Variants in ROBO2 observed in about 807,000 individuals in gnomAD.
The protein encoded by ROBO2 is roundabout homolog 2.
In ROBO2, 53 loss-of-function variants were observed where a neutral mutation model predicts 160.8. The observed-to-expected ratio is 0.33, with a 90% confidence interval of 0.26 to 0.41. The LOEUF (loss-of-function observed/expected upper bound fraction) is 0.41. Among genes scored for constraint, ROBO2 ranks in the 10% least tolerant of loss-of-function variants. The probability of loss-of-function intolerance (pLI) is 1.00; values close to 1 mark genes in which losing one functional copy is unlikely to be tolerated. For missense variants in ROBO2, 1,577 were observed against 1,722.4 expected (o/e 0.92, Z 1.49); for synonymous variants, 664 against 611.7 (o/e 1.09, Z -1.26).
intron 2 of ROBO2, among the ~76,000 whole-genome samples, chr3:76,000,334 A>C (rs1023862724): frequency 4.6e-5 from 7 of 152,156 alleles, no homozygotes; most frequent in African/African-American, 1.7e-4. Flanking sequence ...ACCCATAAAA[A>C]TTGTTCTAAA....
At chr3:76,013,123 C>A (rs1282747237) in intron 2 of ROBO2, among the ~76,000 whole-genome samples, 1 of 144,778 alleles carries the variant, frequency 6.9e-6, no homozygotes, top group African/African-American at 2.6e-5. Flanking sequence ...GCGTGTAATC[C>A]CAGAAGCAAT....
chr3:76,088,687 G>A (rs996684734), intron 2 of ROBO2, among the ~76,000 whole-genome samples: 1 of 151,988 alleles, frequency 6.6e-6, no homozygotes, highest in Admixed American at 6.6e-5. Flanking sequence ...AGAAAATACA[G>A]TTTATCAAAA....
rs554072780 is a variant in ROBO2, at chr3:76,215,877, A to G, written c.109+278275A>G. On this transcript the variant is annotated intron_variant, in intron 2 of 26. Transcript: ENST00000487694. The stretch of plus-strand genomic sequence containing the variant: ...TAACTGGCAGATTCACCAAAGTTGA[A>G]ATGAAGGAAAAAATGTTAAGGGCAG... Among the ~76,000 whole-genome samples, 10 of 152,304 alleles carry G rather than the reference A, an allele frequency of 6.6e-5. No homozygotes were observed. In the South Asian group the frequency reaches 1.9e-3, roughly 28 times the overall value.
intron 2 of ROBO2, among the ~76,000 whole-genome samples, chr3:76,476,586 C>A (rs1483458960): frequency 1.3e-5 from 2 of 152,126 alleles, no homozygotes; most frequent in East Asian, 1.9e-4. Flanking sequence ...TTAGTCACTC[C>A]TCTGTTCCTG....
chr3:77,303,686 T>C (rs1195672297), intron 2 of ROBO2, among the ~76,000 whole-genome samples: 2 of 152,102 alleles, frequency 1.3e-5, no homozygotes, highest in Non-Finnish European at 2.9e-5. Flanking sequence ...ATTAATCCAA[T>C]TGTATTCATC....
intron 2 of ROBO2, among the ~76,000 whole-genome samples, chr3:77,419,368 G>A (rs933919844): frequency 2.0e-5 from 3 of 152,030 alleles, no homozygotes; most frequent in South Asian, 4.1e-4. Context: ...CATGCTCTAG[G>A]TAGAGATAAG....
At chr3:76,798,423 G>A (rs1483079711) in intron 2 of ROBO2, among the ~76,000 whole-genome samples, 1 of 152,156 alleles carries the variant, frequency 6.6e-6, no homozygotes, top group Non-Finnish European at 1.5e-5. Flanking sequence ...AGATCATTCA[G>A]CATGACCAAT....
At chr3:76,420,955 A>C (rs2075972020) in intron 2 of ROBO2, among the ~76,000 whole-genome samples, 1 of 152,218 alleles carries the variant, frequency 6.6e-6, no homozygotes, top group African/African-American at 2.4e-5. Context: ...TGAACTGACA[A>C]GAAATAGTTT....
At chr3:77,537,974 GA>G (rs1252698650) in intron 6 of ROBO2, among the ~76,000 whole-genome samples, 9 of 152,046 alleles carry the variant, frequency 5.9e-5, no homozygotes, top group Non-Finnish European at 1.3e-4. Context: ...TTTGGGTGGG[GA>G]CACAGCCAAA....
In ROBO2 at chr3:77,014,286, ACTT is replaced by A. The variant is rs530964631; in HGVS notation, c.110-83726_110-83724del. 2.0e-5 allele frequency among the ~76,000 whole-genome samples: 3 copies of A among 152,266 alleles called. No homozygotes were observed. The South Asian group carries it at 6.2e-4, about 32-fold the overall frequency. ...CCACACTACGACCTAATGGATTACT[ACTT>A]CATTTGACATTCCTCTCTCACAAGC... On this transcript the variant is annotated intron_variant, in intron 2 of 26. Coordinates refer to the ROBO2 transcript ENST00000487694.
chr3:77,461,842 C>T (rs543166374), intron 2 of ROBO2, among the ~76,000 whole-genome samples: 29 of 152,010 alleles, frequency 1.9e-4, no homozygotes, highest in Non-Finnish European at 3.4e-4. Context: ...ATTCTCCTGC[C>T]GCAGCCTCCC....
chr3:76,869,653 T>G (rs2071814501), intron 2 of ROBO2, among the ~76,000 whole-genome samples: 1 of 151,950 alleles, frequency 6.6e-6, no homozygotes, highest in Non-Finnish European at 1.5e-5. Flanking sequence ...CCGGCCGATC[T>G]TTTTTTAGTA....
chr3:77,489,990 G>A (rs929252694), intron 4 of ROBO2, among the ~76,000 whole-genome samples: 1 of 151,992 alleles, frequency 6.6e-6, no homozygotes, highest in Non-Finnish European at 1.5e-5. Flanking sequence ...TGCAAGTAAT[G>A]GTGGCTTTGG....
intron 2 of ROBO2, among the ~76,000 whole-genome samples, chr3:76,673,570 GA>G (rs2092326559): frequency 6.6e-6 from 1 of 152,116 alleles, no homozygotes; most frequent in African/African-American, 2.4e-5. Flanking sequence ...ATAGTAAATA[GA>G]AATCAAGAAA....
intron 2 of ROBO2, among the ~76,000 whole-genome samples, chr3:77,276,229 AC>A (rs1413403728): frequency 1.3e-4 from 20 of 150,622 alleles, no homozygotes; most frequent in South Asian, 1.3e-3. Flanking sequence ...AAAAAAAAAA[AC>A]AAAAGAAAAA....
intron 10 of ROBO2, among the ~76,000 whole-genome samples, 166 bp from the exon 12 acceptor site, chr3:77,563,001 T>A (rs1433188753): frequency 6.6e-6 from 1 of 152,112 alleles, no homozygotes; most frequent in Non-Finnish European, 1.5e-5. Flanking sequence ...CAGCTTACTT[T>A]TATTAACATG....
At chr3:77,363,728 C>G (rs1480521863) in intron 2 of ROBO2, among the ~76,000 whole-genome samples, 3 of 152,148 alleles carry the variant, frequency 2.0e-5, no homozygotes, top group African/African-American at 7.2e-5. Context: ...TAGGGCACAG[C>G]CCCACTGGAA....
At chr3:76,928,200 G>A (rs551314444) in intron 2 of ROBO2, among the ~76,000 whole-genome samples, 2 of 152,222 alleles carry the variant, frequency 1.3e-5, no homozygotes, top group South Asian at 4.1e-4. Context: ...TGTTGGCTTT[G>A]AATACAGACA....
chr3:77,593,442 C>G (rs1283119964), intron 17 of ROBO2, among the ~76,000 whole-genome samples: 1 of 152,126 alleles, frequency 6.6e-6, no homozygotes, highest in African/African-American at 2.4e-5. Flanking sequence ...TTTCAGTGAG[C>G]CTTTTCATCT....
Sources: allele counts gnomAD v4.1 joint callset (sites outside exome capture counted in the v4.1 genomes callset), GRCh38; gene constraint gnomAD v4.1.1; transcripts MANE v1.5; gene names NCBI Gene and HGNC (gene_info 2026-07-23, HGNC 2026-07-21).